Variants in PPP1R14C observed in about 807,000 individuals in gnomAD.
PPP1R14C encodes the protein protein phosphatase 1 regulatory inhibitor subunit 14C, also known as protein phosphatase 1 regulatory subunit 14C.
PPP1R14C carries 16 observed loss-of-function variants against 20.4 expected under a neutral mutation model. The ratio of observed to expected loss-of-function variants is 0.78; its 90% CI spans 0.53 to 1.19. The LOEUF is 1.19. Ranked by LOEUF, PPP1R14C falls within the 50% of genes most tolerant of loss-of-function variation. The pLI, the probability that PPP1R14C is intolerant of heterozygous loss-of-function variation, is 0.00. For missense variants in PPP1R14C, 211 were observed against 220.1 expected, an observed-to-expected ratio of 0.96 and a Z score of 0.26; for synonymous variants, 91 against 91.0, an observed-to-expected ratio of 1.00 and a Z score of 0.00.
At chr6:150,247,318 T>G (rs1193081154) in intron 3 of PPP1R14C, among the ~76,000 whole-genome samples, 1 of 152,202 alleles carries the variant, frequency 6.6e-6, no homozygotes, top group Non-Finnish European at 1.5e-5. Flanking sequence ...GAAAGTCTGA[T>G]TGGCTGTTAG....
intron 1 of PPP1R14C, among the ~76,000 whole-genome samples, chr6:150,176,229 A>C (rs1273349185): frequency 1.3e-5 from 2 of 152,230 alleles, no homozygotes; most frequent in African/African-American, 2.4e-5. Context: ...CCTACTGGCT[A>C]TCTGGGCAGG....
At chr6:150,205,262 T>C (rs1777933993) in intron 1 of PPP1R14C, among the ~76,000 whole-genome samples, 1 of 152,112 alleles carries the variant, frequency 6.6e-6, no homozygotes, top group Non-Finnish European at 1.5e-5. Context: ...CAGCCTGGGC[T>C]TAGTCAGTGT....
chr6:150,198,627 A>T (rs1235308897), intron 1 of PPP1R14C, among the ~76,000 whole-genome samples: 1 of 152,246 alleles, frequency 6.6e-6, no homozygotes, highest in Admixed American at 6.5e-5. Flanking sequence ...AGAAACACTG[A>T]GGGACCTCAG....
chr6:150,214,674 C>G (rs978720940), intron 1 of PPP1R14C, 70 bp from the exon 2 acceptor site: 4 of 1,131,212 alleles, frequency 3.5e-6, no homozygotes, highest in Non-Finnish European at 4.0e-6. Context: ...TTCAACTTAA[C>G]CTAACTGGTG....
At chr6:150,189,259 T>C (rs957676275) in intron 1 of PPP1R14C, among the ~76,000 whole-genome samples, 1 of 152,248 alleles carries the variant, frequency 6.6e-6, no homozygotes, top group Non-Finnish European at 1.5e-5. Flanking sequence ...TGAGGGTCTG[T>C]GTACTCCCTT....
intron 1 of PPP1R14C, among the ~76,000 whole-genome samples, chr6:150,145,834 G>A (rs1777174337): frequency 6.6e-6 from 1 of 152,226 alleles, no homozygotes; most frequent in Non-Finnish European, 1.5e-5. Flanking sequence ...CCAAAGGCTT[G>A]AGTTATCTGC....
intron 1 of PPP1R14C, among the ~76,000 whole-genome samples, chr6:150,202,266 C>T (rs1156626937): frequency 6.6e-6 from 1 of 152,212 alleles, no homozygotes; most frequent in Non-Finnish European, 1.5e-5. Flanking sequence ...CTGTTAATCT[C>T]TGTGTCCCTC....
rs568906511 is a variant in PPP1R14C at position 150,228,980 on chromosome 6, G to T, written c.423+12124G>T. ...ACAAGCTTTAAAGGGCAGTGGACCC[G>T]ATTAGCATTTTCAAATGATTGACTG... On this transcript the variant is annotated intron_variant, in intron 3 of 3. Coordinates refer to ENST00000361131, the MANE Select transcript of PPP1R14C (RefSeq NM_030949.3). Among the ~76,000 whole-genome samples, 3 of 152,208 alleles carry T rather than the reference G, an allele frequency of 2.0e-5. No homozygotes were observed. The South Asian group carries it at 6.2e-4, about 32-fold the overall frequency.
At chr6:150,174,568 A>C (rs527551449) in intron 1 of PPP1R14C, among the ~76,000 whole-genome samples, 103 of 152,196 alleles carry the variant, frequency 6.8e-4, no homozygotes, top group Non-Finnish European at 1.3e-3. Context: ...GAGGGTAGGA[A>C]CATTGGCTTA....
At chr6:150,149,478 T>TTTTC (rs1777220692) in intron 1 of PPP1R14C, among the ~76,000 whole-genome samples, 1 of 132,656 alleles carries the variant, frequency 7.5e-6, no homozygotes, top group Non-Finnish European at 1.6e-5. Context: ...TTTTTTTTTT[T>TTTTC]GTGGAGACAA....
chr6:150,168,002 C>T (rs1315413513), intron 1 of PPP1R14C, among the ~76,000 whole-genome samples: 3 of 13,550 alleles, frequency 2.2e-4, no homozygotes, highest in African/African-American at 4.2e-4. Context: ...TCCTCTCCCC[C>T]TTGCTTTCCT....
chr6:150,209,049 C>T (rs1469950004), intron 1 of PPP1R14C, among the ~76,000 whole-genome samples: 1 of 152,148 alleles, frequency 6.6e-6, no homozygotes, highest in African/African-American at 2.4e-5. Context: ...GGCTATTGTT[C>T]AGATGAGTGT....
chr6:150,202,433 C>G (rs1777889998), intron 1 of PPP1R14C, among the ~76,000 whole-genome samples: 2 of 152,216 alleles, frequency 1.3e-5, no homozygotes, highest in Non-Finnish European at 2.9e-5. Context: ...CCTTGCTGTT[C>G]TTAGGTTTGT....
At chr6:150,154,684 T>C (rs970084366) in intron 1 of PPP1R14C, among the ~76,000 whole-genome samples, 4 of 152,234 alleles carry the variant, frequency 2.6e-5, no homozygotes, top group Admixed American at 6.5e-5. Flanking sequence ...TTTGCAGAGC[T>C]AATTTCCTGT....
rs573909762 is a variant in PPP1R14C at position 150,143,365 on chromosome 6, A to G, written c.173A>G (p.Gln58Arg). Residue 58 changes from glutamine (Q) to arginine (R), a missense_variant, in exon 1 of 4, where the codon CAG (glutamine) becomes CGG (arginine). Gln to Arg is a conservative substitution (Grantham distance 43, BLOSUM62 1). Transcript: ENST00000361131. The surrounding 1 kb of genome is among the most constrained non-coding windows in gnomAD (Gnocchi z 5.6). ...APVATAAAAG[Q>R]VQQQQQRRHQ... is the part of the protein sequence containing the mutation. ...GTGGCCACGGCGGCCGCTGCAGGGC[A>G]GGTTCAGCAGCAACAGCAGCGGCGA... The G allele has an allele frequency of 2.0e-5, 33 of 1,610,038 alleles. No individual in the cohort carries two copies. Among genetic ancestry groups the G allele is most frequent in the Non-Finnish European group, 2.6e-5 (31 of 1,178,794 alleles).
chr6:150,240,399 C>T (rs1778417427), intron 3 of PPP1R14C, among the ~76,000 whole-genome samples: 2 of 152,190 alleles, frequency 1.3e-5, no homozygotes, highest in South Asian at 2.1e-4. Context: ...TTTGCTGAAA[C>T]GAAGGTACGC....
chr6:150,200,379 C>T (rs1161006811), intron 1 of PPP1R14C, among the ~76,000 whole-genome samples: 1 of 152,162 alleles, frequency 6.6e-6, no homozygotes, highest in African/African-American at 2.4e-5. Flanking sequence ...TTACTCGCCT[C>T]TCTGGGACAG....
At position 150,143,340 on chromosome 6, in the gene PPP1R14C, G is replaced by T. The variant is rs200448500; in HGVS notation, c.148G>T (p.Val50Leu). ...SGSSREDSAPVATAAAAGQVQ... is the reference protein window; with the variant it reads ...SGSSREDSAPLATAAAAGQVQ... ...CTCCTCCCGGGAGGACTCGGCGCCCGTGGCCACGGCGGCCGCTGCAGGGCA... is the reference window on the plus strand; with the variant it reads ...CTCCTCCCGGGAGGACTCGGCGCCCTTGGCCACGGCGGCCGCTGCAGGGCA... The change falls in exon 1 of 4, where the codon GTG becomes TTG. Residue 50 changes from valine to leucine, a missense_variant. Coordinates refer to ENST00000361131, the MANE Select transcript of PPP1R14C (RefSeq NM_030949.3). The surrounding 1 kb of genome is among the most constrained non-coding windows in gnomAD (Gnocchi z 5.6). 11 of 1,603,898 alleles carry T rather than the reference G, an allele frequency of 6.9e-6. No individual in the cohort carries two copies. Among genetic ancestry groups the T allele is most frequent in the Non-Finnish European group, 8.5e-6 (10 of 1,176,536 alleles).
At chr6:150,170,553 A>G (rs1582901857) in intron 1 of PPP1R14C, among the ~76,000 whole-genome samples, 1 of 151,896 alleles carries the variant, frequency 6.6e-6, no homozygotes, top group African/African-American at 2.4e-5. Flanking sequence ...TGATCTCCTG[A>G]CCTCGTGATC....
Sources: gnomAD v4.1 joint callset for allele counts (sites outside exome capture counted in the v4.1 genomes callset) on GRCh38, gnomAD v4.1.1 for gene constraint, Gnocchi (gnomAD v3.1) non-coding constraint, MANE v1.5 for transcripts, NCBI Gene and HGNC (gene_info 2026-07-23, HGNC 2026-07-21) for gene names.